SERPINB6: variants seen among roughly 807,000 people sequenced by gnomAD.
SERPINB6 encodes the protein serpin family B member 6, also known as serpin B6.
Under a neutral mutation model 26.1 loss-of-function variants are expected in SERPINB6, and 16 were observed. That is an observed-to-expected ratio of 0.61 (90% confidence interval 0.42 to 0.93). The LOEUF (loss-of-function observed/expected upper bound fraction) is 0.93. Among genes scored for constraint, SERPINB6 ranks in the 40% least tolerant of loss-of-function variants. SERPINB6 has a pLI of 0.00. For missense variants in SERPINB6, 420 were observed against 478.0 expected (o/e 0.88, Z 1.13); for synonymous variants, 174 against 176.6 (o/e 0.99, Z 0.11).
At chr6:2,965,513 C>CA (rs1287595641) in intron 1 of SERPINB6, among the ~76,000 whole-genome samples, 3 of 152,020 alleles carry the variant, frequency 2.0e-5, no homozygotes, top group Non-Finnish European at 4.4e-5. Flanking sequence ...TTTAATATGT[C>CA]TAATTTTTTA....
intron 3 of SERPINB6, chr6:2,955,208 A>AAC (rs905615335): frequency 2.0e-5 from 7 of 349,314 alleles, no homozygotes; most frequent in South Asian, 6.6e-5. Flanking sequence ...AAAAACAAAA[A>AAC]AAAAAAAGCA....
chr6:2,969,313 G>C, intron 1 of SERPINB6: 1 of 985,348 alleles, frequency 1.0e-6, no homozygotes. Context: ...TACTTCTTTA[G>C]CTTCAGTAAA....
intron 1 of SERPINB6, chr6:2,968,948 G>T: frequency 8.2e-7 from 1 of 1,220,110 alleles, no homozygotes; most frequent in South Asian, 4.3e-5. Flanking sequence ...GATGGGGGTC[G>T]GGGGGCTTCT....
At chr6:2,954,939 C>A in intron 3 of SERPINB6, 2 of 506,310 alleles carry the variant, frequency 4.0e-6, no homozygotes, top group Admixed American at 3.3e-5. Flanking sequence ...CTTGTAATCC[C>A]AGCACTTTGG....
At chr6:2,966,863 G>A (rs1224829554) in intron 1 of SERPINB6, 6 of 825,264 alleles carry the variant, frequency 7.3e-6, no homozygotes, top group Admixed American at 6.2e-5. Flanking sequence ...CTCGGTGGCC[G>A]AGGCTGGTCC....
At position 2,948,885 on chromosome 6, in the gene SERPINB6, G is replaced by A; in HGVS notation, c.729+29C>T. On this transcript the variant is annotated intron_variant, in intron 6 of 6. Transcript: ENST00000380539. The surrounding 1 kb of genome is among the most constrained non-coding windows in gnomAD (Gnocchi z 5.0). ...GACACCCCCGAGTGGCTCCTTGCTA[G>A]CACGCCTCGCTCACAGCTTAGCTGT... 6.2e-7 allele frequency: 1 copy of A among 1,614,010 alleles called. No homozygotes were observed. Among genetic ancestry groups the A allele is most frequent in the Non-Finnish European group, 8.5e-7 (1 of 1,179,986 alleles).
chr6:2,950,392 G>A (rs921137168), intron 5 of SERPINB6, among the ~76,000 whole-genome samples: 1 of 151,938 alleles, frequency 6.6e-6, no homozygotes, highest in East Asian at 1.9e-4. Context: ...AATTAGCTGG[G>A]CATGGTGGTG....
At position 2,948,504 on chromosome 6, in the gene SERPINB6, C is replaced by T; in HGVS notation, c.925G>A (p.Asp309Asn). 1 of 1,614,204 alleles carries T rather than the reference C, an allele frequency of 6.2e-7. No individual in the cohort carries two copies. The highest frequency in any genetic ancestry group is 8.5e-7 in the Non-Finnish European group (1 of 1,180,032). Reference protein sequence around the residue: ...KADFSGMSQTDLSLSKVVHKS... With the variant: ...KADFSGMSQTNLSLSKVVHKS... ...TGCACGACCTTGGACAGAGACAGGT[C>T]TGTCTGGGACATTCCAGAGAAGTCT... is the stretch of plus-strand genomic sequence containing the variant. Residue 309 changes from aspartate (D) to asparagine (N), a missense_variant, in exon 7 of 7, where the codon GAC becomes AAC. Physicochemically the swap from Asp to Asn is conservative, Grantham distance 23. Transcript: ENST00000380539. This position sits in a 1 kb window ranked among gnomAD's most constrained non-coding sequence, Gnocchi z 5.0.
At chr6:2,953,761 A>G (rs1770093204) in intron 4 of SERPINB6, among the ~76,000 whole-genome samples, 1 of 152,174 alleles carries the variant, frequency 6.6e-6, no homozygotes, top group African/African-American at 2.4e-5. Context: ...CTTGAGCACA[A>G]GAATTGATGC....
intron 1 of SERPINB6, chr6:2,970,810 C>G: frequency 1.6e-6 from 2 of 1,230,466 alleles, no homozygotes; most frequent in Non-Finnish European, 2.0e-6. Context: ...GACATCAAAG[C>G]CTGTAATAGT....
At chr6:2,952,866 G>C (rs1581237540) in intron 5 of SERPINB6, among the ~76,000 whole-genome samples, 178 bp downstream of exon 5, 1 of 152,236 alleles carries the variant, frequency 6.6e-6, no homozygotes, top group East Asian at 1.9e-4. Context: ...TGCAGCTTCA[G>C]ACTTGCCCTG....
intron 1 of SERPINB6, 55 bp downstream of exon 1, chr6:2,971,478 T>G (rs982630086): frequency 6.6e-6 from 1 of 152,172 alleles, no homozygotes; most frequent in South Asian, 2.1e-4. Context: ...TTCCCGACTT[T>G]GGAGCGACAA....
intron 5 of SERPINB6, among the ~76,000 whole-genome samples, chr6:2,951,791 A>G (rs1411651146): frequency 1.3e-5 from 2 of 152,160 alleles, no homozygotes; most frequent in East Asian, 1.9e-4. Flanking sequence ...CATCTCCCCA[A>G]ACCCACAAGA....
chr6:2,955,915 A>C, intron 2 of SERPINB6: 1 of 424,798 alleles, frequency 2.4e-6, no homozygotes, highest in Non-Finnish European at 4.4e-6. Context: ...CATCTCTACT[A>C]AACACACAAA....
intron 1 of SERPINB6, chr6:2,968,608 C>T (rs1414587728): frequency 1.5e-5 from 18 of 1,217,576 alleles, no homozygotes; most frequent in East Asian, 9.8e-5. Flanking sequence ...TTGAGTCTTC[C>T]GTTCCCTGCG....
intron 1 of SERPINB6, chr6:2,970,711 C>A (rs1449005924): frequency 2.4e-5 from 29 of 1,194,866 alleles, no homozygotes; most frequent in Middle Eastern, 6.5e-4. Flanking sequence ...TTTTCCGAAG[C>A]CAATCTTTAG....
chr6:2,952,977 G>A (rs1168859603), intron 5 of SERPINB6, 67 bp downstream of exon 5: 4 of 1,607,492 alleles, frequency 2.5e-6, no homozygotes, highest in Admixed American at 1.7e-5. Context: ...CTGCAGACGC[G>A]GGAGGCCCCG....
intron 3 of SERPINB6, 27 bp downstream of exon 3, chr6:2,955,497 T>C (rs766719395): frequency 1.8e-5 from 29 of 1,613,974 alleles, no homozygotes; most frequent in Non-Finnish European, 2.4e-5. Flanking sequence ...TTTATTTCTT[T>C]AGTGAATAAG....
At chr6:2,970,908 G>C in intron 1 of SERPINB6, 1 of 1,229,626 alleles carries the variant, frequency 8.1e-7, no homozygotes, top group Non-Finnish European at 1.0e-6. Flanking sequence ...TGGGCGACCT[G>C]AAAGTGCTGC....
Sources: allele counts gnomAD v4.1 joint callset (sites outside exome capture counted in the v4.1 genomes callset), GRCh38; gene constraint gnomAD v4.1.1; non-coding constraint Gnocchi (gnomAD v3.1); transcripts MANE v1.5; gene names NCBI Gene and HGNC (gene_info 2026-07-23, HGNC 2026-07-21).